ROCK2: variants seen among roughly 807,000 people sequenced by gnomAD.
The protein encoded by ROCK2 is Rho associated coiled-coil containing protein kinase 2, also known as rho-associated protein kinase 2.
Under a neutral mutation model 195.1 loss-of-function variants are expected in ROCK2, and 61 were observed. The ratio of observed to expected loss-of-function variants is 0.31; its 90% CI spans 0.25 to 0.39. The LOEUF is 0.39. Among genes scored for constraint, ROCK2 ranks in the 10% least tolerant of loss-of-function variants. ROCK2 has a pLI of 1.00. For synonymous variants in ROCK2, 504 were observed against 545.5 expected, an observed-to-expected ratio of 0.92 and a Z score of 1.06; for missense variants, 1,109 against 1,637.4, an observed-to-expected ratio of 0.68 and a Z score of 5.57.
intron 1 of ROCK2, among the ~76,000 whole-genome samples, chr2:11,339,375 T>A (rs534738631): frequency 4.6e-4 from 70 of 151,848 alleles, no homozygotes; most frequent in Non-Finnish European, 8.4e-4. Flanking sequence ...TATAATAACA[T>A]CATGGGGAAA....
chr2:11,270,397 G>A (rs1250596182), intron 3 of ROCK2, among the ~76,000 whole-genome samples: 1 of 152,142 alleles, frequency 6.6e-6, no homozygotes. Context: ...GTGGTTTGGT[G>A]TCTGACATTA....
chr2:11,201,506 A>G lies in ROCK2; in HGVS notation c.2620-93T>C. The G allele has an allele frequency of 2.7e-6, 2 of 728,324 alleles. No homozygotes were observed. Among genetic ancestry groups the G allele is most frequent in the South Asian group, 3.3e-5 (2 of 61,444 alleles). The allele number at this position is 728,324 out of a possible 1,614,324, so 45.1% of individuals were successfully genotyped here. On this transcript the variant is annotated intron_variant, in intron 21 of 32. Coordinates refer to ENST00000315872, the MANE Select transcript of ROCK2 (RefSeq NM_004850.5). The surrounding 1 kb of genome is among the most constrained non-coding windows in gnomAD (Gnocchi z 4.6). ...TTCAGACAAAAAGGAGAATGAACAC[A>G]TACAAATATTTTCTTACTGCTAAGT...
intron 20 of ROCK2, among the ~76,000 whole-genome samples, chr2:11,204,550 T>TA (rs1663980318): frequency 6.6e-6 from 1 of 152,222 alleles, no homozygotes; most frequent in Non-Finnish European, 1.5e-5. Context: ...CTGGAATTCT[T>TA]ATTCGCTGGG....
chr2:11,268,097 A>G (rs960002059), intron 3 of ROCK2, among the ~76,000 whole-genome samples: 1 of 152,098 alleles, frequency 6.6e-6, no homozygotes, highest in African/African-American at 2.4e-5. Flanking sequence ...GAGAACACCA[A>G]GCAAACCACT....
intron 3 of ROCK2, among the ~76,000 whole-genome samples, chr2:11,251,346 T>TA (rs1193087398): frequency 1.3e-5 from 2 of 152,276 alleles, no homozygotes; most frequent in Non-Finnish European, 2.9e-5. Context: ...AGAACAGATT[T>TA]ACTAAGTACT....
chr2:11,340,404 T>C (rs980924152), intron 1 of ROCK2, among the ~76,000 whole-genome samples: 1 of 152,220 alleles, frequency 6.6e-6, no homozygotes, highest in Non-Finnish European at 1.5e-5. Context: ...ATTGCGGACC[T>C]GCACTTGCTT....
intron 1 of ROCK2, among the ~76,000 whole-genome samples, chr2:11,331,123 A>G (rs1397409346): frequency 1.3e-5 from 2 of 152,130 alleles, no homozygotes; most frequent in Admixed American, 6.5e-5. Flanking sequence ...AAGGTACCAC[A>G]TGTAGTTATC....
At chr2:11,293,028 C>T (rs1667408643) in intron 1 of ROCK2, among the ~76,000 whole-genome samples, 1 of 152,166 alleles carries the variant, frequency 6.6e-6, no homozygotes, top group Admixed American at 6.5e-5. Flanking sequence ...GAGGCCTCTC[C>T]AGCCACGCTT....
intron 1 of ROCK2, among the ~76,000 whole-genome samples, chr2:11,333,472 T>C (rs1326349477): frequency 6.6e-6 from 1 of 152,164 alleles, no homozygotes; most frequent in Non-Finnish European, 1.5e-5. Flanking sequence ...ATTCTTTCTG[T>C]AACTGTTTTA....
In ROCK2 at chr2:11,312,411, G is replaced by A. The variant is rs145713971; in HGVS notation, c.142-24675C>T. Among the ~76,000 whole-genome samples the A allele has an allele frequency of 8.7e-3, 1,318 of 152,008 alleles. 20 individuals carry two copies. Among genetic ancestry groups the A allele is most frequent in the African/African-American group, 0.03 (1,255 of 41,486 alleles). ...TAGCCATCAACCCACAAAGTTTCCT[G>A]TACTCCTTAAAAATCCCCCTCTCCT... is the stretch of plus-strand genomic sequence containing the variant. On this transcript the variant is annotated intron_variant, in intron 1 of 32. Coordinates refer to ENST00000315872, the MANE Select transcript of ROCK2 (RefSeq NM_004850.5).
chr2:11,340,010 G>C (rs1230718482), intron 1 of ROCK2, among the ~76,000 whole-genome samples: 2 of 152,028 alleles, frequency 1.3e-5, no homozygotes, highest in East Asian at 1.9e-4. Flanking sequence ...ATCAAGACTT[G>C]GGAAATAAAA....
At position 11,180,445 on chromosome 2, in the gene ROCK2, C is replaced by T. The variant is rs933870673; in HGVS notation, c.*2992G>A. 5.3e-5 allele frequency: 8 copies of T among 152,168 alleles called. No individual in the cohort carries two copies. Among genetic ancestry groups the T allele is most frequent in the Admixed American group, 3.9e-4 (6 of 15,270 alleles). The allele number at this position is 152,168 out of a possible 1,614,324, so 9.4% of individuals were successfully genotyped here. ...ATGCTTATCCATTAGTTAGCTGGAA[C>T]ATTTTAAAACTTTCATATAGATTTT... On this transcript the variant is annotated 3_prime_UTR_variant, in exon 33 of 33. Coordinates refer to ENST00000315872, the MANE Select transcript of ROCK2 (RefSeq NM_004850.5).
intron 28 of ROCK2, 35 bp from the exon 29 acceptor site, chr2:11,194,379 A>G: frequency 1.2e-6 from 1 of 817,128 alleles, no homozygotes; most frequent in South Asian, 2.5e-5. Context: ...TCAGTAATTC[A>G]AGTTTTTATA....
intron 1 of ROCK2, among the ~76,000 whole-genome samples, chr2:11,317,353 G>A (rs1432347188): frequency 6.6e-6 from 1 of 151,280 alleles, no homozygotes; most frequent in Non-Finnish European, 1.5e-5. Flanking sequence ...ATGTGATTTG[G>A]AATCAGACGA....
intron 27 of ROCK2, chr2:11,195,249 A>G (rs1663585085): frequency 3.5e-6 from 1 of 285,438 alleles, no homozygotes; most frequent in African/African-American, 2.2e-5. Context: ...CAGATAGTCT[A>G]TACTTTTATA....
chr2:11,297,755 A>G (rs772956383), intron 1 of ROCK2, among the ~76,000 whole-genome samples: 2 of 152,166 alleles, frequency 1.3e-5, no homozygotes, highest in Non-Finnish European at 2.9e-5. Context: ...CTATTACCAC[A>G]TTATATTAGG....
Position 11,214,997 on chromosome 2 carries a change from C to T in ROCK2, c.1779G>A (p.Gln593=), listed in dbSNP as rs1664375228. The change falls in exon 16 of 33, where the codon CAG becomes CAA. Residue 593 remains glutamine, a synonymous_variant. Transcript: ENST00000315872. ...KTQAESSKQI[Q]QLESNNRDLQ... is the part of the protein sequence containing the mutation. ...GATCTCTATTGTTAGATTCCAGCTG[C>T]TGAATCTGTTTTGAACTTTCTGCCT... The T allele has an allele frequency of 6.2e-7, 1 of 1,613,372 alleles. No homozygotes were observed.
chr2:11,317,627 T>TTTTTTTTTTTTTTTTTTTTA (rs1192587957), intron 1 of ROCK2, among the ~76,000 whole-genome samples: 2 of 31,426 alleles, frequency 6.4e-5, no homozygotes, highest in African/African-American at 7.8e-5. Flanking sequence ...TTTTTTTTTT[T>TTTTTTTTTTTTTTTTTTTTA]AATTATACTT....
At chr2:11,250,587 C>T (rs930590602) in intron 3 of ROCK2, among the ~76,000 whole-genome samples, 5 of 152,160 alleles carry the variant, frequency 3.3e-5, no homozygotes, top group Admixed American at 6.5e-5. Flanking sequence ...AATCTTCACC[C>T]GAATTTATTC....
Sources: allele counts gnomAD v4.1 joint callset (sites outside exome capture counted in the v4.1 genomes callset), GRCh38; gene constraint gnomAD v4.1.1; non-coding constraint Gnocchi (gnomAD v3.1); transcripts MANE v1.5; gene names NCBI Gene and HGNC (gene_info 2026-07-23, HGNC 2026-07-21).